RNF150: variants seen among roughly 807,000 people sequenced by gnomAD.
RNF150 encodes the protein ring finger protein 150.
A neutral mutation model predicts 39.3 loss-of-function variants in RNF150; 24 were observed. The observed-to-expected ratio is 0.61, with a 90% confidence interval of 0.44 to 0.86. The LOEUF (loss-of-function observed/expected upper bound fraction) is 0.86. RNF150 is among the 40% of genes least tolerant of loss of function. RNF150 has a pLI of 0.00. For missense variants in RNF150, 502 were observed against 587.8 expected, an observed-to-expected ratio of 0.85 and a Z score of 1.51; for synonymous variants, 255 against 227.3, an observed-to-expected ratio of 1.12 and a Z score of -1.10.
chr4:141,059,502 CTCCAGGG>C (rs1052239235), intron 1 of RNF150, among the ~76,000 whole-genome samples: 2 of 152,066 alleles, frequency 1.3e-5, no homozygotes, highest in Admixed American at 1.3e-4. Flanking sequence ...GATGGTTTTG[CTCCAGGG>C]TCCAATTTTC....
chr4:140,860,087 T>C lies in RNF150; in HGVS notation c.*8174A>G, dbSNP rs1054369848. On this transcript the variant is annotated 3_prime_UTR_variant, in exon 7 of 7. Coordinates refer to ENST00000515673, the MANE Select transcript of RNF150 (RefSeq NM_020724.2). ...ACAAAGAGAATAGAATAAAGCAAAA[T>C]AAAAGTCTGTGTCTCCTAATAGAAG... is the stretch of plus-strand genomic sequence containing the variant. The C allele has an allele frequency of 6.6e-6, 1 of 151,180 alleles. No individual in the cohort carries two copies. The highest frequency in any genetic ancestry group is 2.4e-5 in the African/African-American group (1 of 41,128). 9.4% of individuals were successfully genotyped at this position (151,180 alleles called of 1,614,324 possible).
intron 1 of RNF150, among the ~76,000 whole-genome samples, chr4:141,065,547 T>C (rs1737420937): frequency 1.3e-5 from 1 of 76,226 alleles, no homozygotes; most frequent in Admixed American, 1.8e-4. Flanking sequence ...AAATTTTATT[T>C]ATTTGTAATT....
upstream of RNF150, among the ~76,000 whole-genome samples, chr4:141,137,906 A>G (rs539996752): frequency 3.3e-5 from 5 of 152,318 alleles, no homozygotes; most frequent in East Asian, 9.7e-4. Context: ...AGATGGAATT[A>G]GTAGGTTTCC....
At chr4:140,940,056 G>T (rs1732023876) in intron 4 of RNF150, among the ~76,000 whole-genome samples, 1 of 152,098 alleles carries the variant, frequency 6.6e-6, no homozygotes, top group South Asian at 2.1e-4. Context: ...TGTGTATAAA[G>T]CACAAACCAA....
intron 1 of RNF150, among the ~76,000 whole-genome samples, chr4:141,178,240 G>A (rs1453136383): frequency 6.6e-6 from 1 of 151,648 alleles, no homozygotes; most frequent in Non-Finnish European, 1.5e-5. Context: ...GTATGTGTGT[G>A]TGTATGTGTG....
chr4:141,100,452 G>A (rs2111034385), intron 1 of RNF150, among the ~76,000 whole-genome samples: 1 of 152,196 alleles, frequency 6.6e-6, no homozygotes, highest in East Asian at 1.9e-4. Flanking sequence ...CTGATCACAA[G>A]TACTGTACAT....
intron 1 of RNF150, among the ~76,000 whole-genome samples, chr4:141,141,611 C>A (rs1727118865): frequency 6.6e-6 from 1 of 152,150 alleles, no homozygotes; most frequent in South Asian, 2.1e-4. Context: ...GACCAGCCTG[C>A]CAAACATGGC....
intron 1 of RNF150, among the ~76,000 whole-genome samples, chr4:141,027,785 G>C (rs1387213704): frequency 6.6e-6 from 1 of 152,070 alleles, no homozygotes; most frequent in African/African-American, 2.4e-5. Flanking sequence ...GCCCTGGATT[G>C]CATGAATATA....
intron 1 of RNF150, among the ~76,000 whole-genome samples, chr4:141,084,529 C>T (rs545478495): frequency 2.7e-4 from 41 of 152,210 alleles, no homozygotes; most frequent in African/African-American, 8.2e-4. Flanking sequence ...TTCAAAATAA[C>T]GAAAAACACT....
At chr4:141,091,345 G>C (rs1738573251) in intron 1 of RNF150, among the ~76,000 whole-genome samples, 5 of 152,054 alleles carry the variant, frequency 3.3e-5, no homozygotes, top group Non-Finnish European at 1.5e-5. Context: ...GTTTTATAAG[G>C]AACTGTAGGA....
rs1457015089 is a variant in RNF150, at chr4:140,920,443, C to A, written c.987+5534G>T. Among the ~76,000 whole-genome samples, 3 of 135,036 alleles carry A rather than the reference C, an allele frequency of 2.2e-5. 1 individual carries two copies. In the Admixed American group the frequency reaches 2.4e-4, roughly 11 times the overall value. The allele number at this position is 135,036 out of a possible 152,430, so 88.6% of individuals were successfully genotyped here. On this transcript the variant is annotated intron_variant, in intron 5 of 6. Coordinates refer to ENST00000515673, the MANE Select transcript of RNF150 (RefSeq NM_020724.2). ...CAAAAAACACATGAAAAAACGCTCACCATCACTGGCCATCAGAGAAATGCA... is the reference window on the plus strand; with the variant it reads ...CAAAAAACACATGAAAAAACGCTCAACATCACTGGCCATCAGAGAAATGCA...
intron 1 of RNF150, among the ~76,000 whole-genome samples, chr4:140,989,846 G>A (rs1734136717): frequency 6.6e-6 from 1 of 151,954 alleles, no homozygotes; most frequent in Non-Finnish European, 1.5e-5. Context: ...CTGACAGGCT[G>A]GTTCCACCCA....
intron 1 of RNF150, among the ~76,000 whole-genome samples, chr4:141,003,451 G>T (rs1266922118): frequency 6.6e-6 from 1 of 152,070 alleles, no homozygotes; most frequent in Non-Finnish European, 1.5e-5. Context: ...GAAAGTAAGA[G>T]AAAGAACATA....
chr4:141,081,004 T>C (rs898787004), intron 1 of RNF150, among the ~76,000 whole-genome samples: 10 of 151,990 alleles, frequency 6.6e-5, no homozygotes, highest in African/African-American at 2.2e-4. Flanking sequence ...TCCAATGCGG[T>C]TGTCACCATT....
At chr4:140,899,689 A>T (rs141944013) in intron 6 of RNF150, among the ~76,000 whole-genome samples, 38 of 152,302 alleles carry the variant, frequency 2.5e-4, no homozygotes, top group African/African-American at 8.9e-4. Context: ...ATCCTTGCAC[A>T]CTCAGAATTA....
intron 6 of RNF150, among the ~76,000 whole-genome samples, chr4:140,907,523 A>G (rs920690031): frequency 3.9e-5 from 6 of 152,168 alleles, no homozygotes; most frequent in African/African-American, 1.2e-4. Flanking sequence ...AATGACCTTG[A>G]CATGCATTTG....
intron 1 of RNF150, among the ~76,000 whole-genome samples, chr4:141,016,878 T>C (rs189485564): frequency 2.3e-3 from 348 of 152,308 alleles, no homozygotes; most frequent in African/African-American, 7.9e-3. Context: ...CTGCTCCCTC[T>C]GGAAATCCTC....
chr4:141,070,721 G>C (rs1279651685), intron 1 of RNF150, among the ~76,000 whole-genome samples: 2 of 124,002 alleles, frequency 1.6e-5, no homozygotes, highest in Non-Finnish European at 3.8e-5. Flanking sequence ...TCATTAAAAA[G>C]TCAGGAAACA....
intron 1 of RNF150, among the ~76,000 whole-genome samples, chr4:141,059,770 T>C (rs1305395091): frequency 2.6e-5 from 4 of 152,092 alleles, no homozygotes; most frequent in African/African-American, 7.2e-5. Flanking sequence ...TAATCCCTCC[T>C]TAGAATAAAA....
Sources: gnomAD v4.1 joint callset for allele counts (sites outside exome capture counted in the v4.1 genomes callset) on GRCh38, gnomAD v4.1.1 for gene constraint, MANE v1.5 for transcripts, NCBI Gene and HGNC (gene_info 2026-07-23, HGNC 2026-07-21) for gene names.